Variants in CIB4 observed in about 807,000 individuals in gnomAD.
The protein encoded by CIB4 is calcium and integrin binding family member 4, also known as calcium and integrin-binding family member 4.
Under a neutral mutation model 25.8 loss-of-function variants are expected in CIB4, and 25 were observed. The ratio of observed to expected loss-of-function variants is 0.97; its 90% CI spans 0.71 to 1.35. CIB4 has a LOEUF of 1.35. Ranked by LOEUF, CIB4 falls within the 40% of genes most tolerant of loss-of-function variation. The pLI is 0.00. For missense variants in CIB4, 235 were observed against 228.2 expected, an observed-to-expected ratio of 1.03 and a Z score of -0.19; for synonymous variants, 75 against 81.4, an observed-to-expected ratio of 0.92 and a Z score of 0.42.
Position 26,590,615 on chromosome 2 carries a change from C to T in CIB4, c.328+4561G>A, listed in dbSNP as rs1455631166. Among the ~76,000 whole-genome samples, 3 of 152,160 alleles carry T rather than the reference C, an allele frequency of 2.0e-5. No individual in the cohort carries two copies. In the East Asian group the frequency reaches 5.8e-4, roughly 29 times the overall value. On this transcript the variant is annotated intron_variant, in intron 4 of 6. Transcript: ENST00000288861. ...TCCTTCTTCATCCTTCACTGTGGAC[C>T]ACTCCCCCCTCGACTTACTACGCAG... is the stretch of plus-strand genomic sequence containing the variant.
intron 3 of CIB4, among the ~76,000 whole-genome samples, chr2:26,626,788 C>T (rs931077278): frequency 6.6e-6 from 1 of 152,094 alleles, no homozygotes; most frequent in African/African-American, 2.4e-5. Flanking sequence ...GCAGGCCTCA[C>T]CCCACCTGCC....
intron 4 of CIB4, among the ~76,000 whole-genome samples, chr2:26,593,240 T>A (rs541676532): frequency 6.6e-6 from 1 of 152,236 alleles, no homozygotes; most frequent in South Asian, 2.1e-4. Context: ...CTCCTCAGCC[T>A]CCATAATCAC....
At chr2:26,607,980 G>A (rs951164924) in intron 3 of CIB4, among the ~76,000 whole-genome samples, 1 of 152,264 alleles carries the variant, frequency 6.6e-6, no homozygotes, top group Non-Finnish European at 1.5e-5. Context: ...GCTCACGCCT[G>A]TAATCCCAGC....
intron 3 of CIB4, among the ~76,000 whole-genome samples, chr2:26,601,231 A>AAAAAAAAATAT (rs1395827334): frequency 2.3e-4 from 4 of 17,226 alleles, no homozygotes; most frequent in African/African-American, 6.0e-4. Context: ...AAAAAAAAAA[A>AAAAAAAAATAT]ATATATATAT....
chr2:26,583,718 C>A (rs1016020415), intron 5 of CIB4, 71 bp downstream of exon 5: 1 of 1,013,680 alleles, frequency 9.9e-7, no homozygotes, highest in Admixed American at 1.7e-5. Flanking sequence ...GCCTGACATC[C>A]GGGGGCTTTG....
At chr2:26,615,512 C>T (rs915772267) in intron 3 of CIB4, among the ~76,000 whole-genome samples, 2 of 152,194 alleles carry the variant, frequency 1.3e-5, no homozygotes, top group African/African-American at 2.4e-5. Flanking sequence ...AGTTGAGGCC[C>T]AGGAAGAGGA....
At chr2:26,589,615 C>A (rs1026196401) in intron 4 of CIB4, among the ~76,000 whole-genome samples, 2 of 152,186 alleles carry the variant, frequency 1.3e-5, no homozygotes, top group African/African-American at 4.8e-5. Flanking sequence ...AGCCACTGCA[C>A]CCAGCCCCTG....
intron 3 of CIB4, among the ~76,000 whole-genome samples, chr2:26,623,882 C>A (rs1669252026): frequency 6.6e-6 from 1 of 152,210 alleles, no homozygotes; most frequent in Admixed American, 6.5e-5. Flanking sequence ...CCAAGTCACA[C>A]CATGCCACAC....
intron 5 of CIB4, 67 bp downstream of exon 5, chr2:26,583,722 G>T: frequency 1.9e-6 from 2 of 1,049,232 alleles, no homozygotes; most frequent in South Asian, 1.3e-5. Context: ...GACATCCGGG[G>T]GCTTTGGGTG....
At chr2:26,608,818 G>C (rs1023960970) in intron 3 of CIB4, among the ~76,000 whole-genome samples, 1 of 152,098 alleles carries the variant, frequency 6.6e-6, no homozygotes, top group African/African-American at 2.4e-5. Flanking sequence ...GTGGGTGGCC[G>C]GGCCCTGCAG....
intron 4 of CIB4, among the ~76,000 whole-genome samples, chr2:26,594,411 T>TTGGGTGAGGCAGAATGAGA (rs1668641677): frequency 6.6e-6 from 1 of 152,092 alleles, no homozygotes; most frequent in Admixed American, 6.5e-5. Context: ...CACATCCCAC[T>TTGGGTGAGGCAGAATGAGA]TGGGTGAGGC....
chr2:26,596,890 A>T (rs1668692843), intron 3 of CIB4, among the ~76,000 whole-genome samples: 1 of 152,224 alleles, frequency 6.6e-6, no homozygotes, highest in Non-Finnish European at 1.5e-5. Context: ...AAGATGAGTT[A>T]TATGTTTTCC....
At chr2:26,632,483 G>A (rs1015005117) in intron 2 of CIB4, among the ~76,000 whole-genome samples, 5 of 152,288 alleles carry the variant, frequency 3.3e-5, no homozygotes, top group East Asian at 1.9e-4. Context: ...TAGGCCGGGT[G>A]CAGTGGCTCC....
chr2:26,595,287 C>G lies in CIB4; in HGVS notation c.217G>C (p.Val73Leu), dbSNP rs770195131. The change falls in exon 4 of 7, where the codon GTG becomes CTG. Residue 73 changes from valine to leucine, a missense_variant. Transcript: ENST00000288861. Reference protein sequence around the residue: ...VNPFRDRICRVFSHKGMFSFE... With the variant: ...VNPFRDRICRLFSHKGMFSFE... ...GAGAACATGCCTTTGTGGGAGAACA[C>G]TCTGCAGATACGGTCTCTGAAAGGG... 6.2e-7 allele frequency: 1 copy of G among 1,614,104 alleles called. No homozygotes were observed. Among genetic ancestry groups the G allele is most frequent in the Non-Finnish European group, 8.5e-7 (1 of 1,179,962 alleles).
At chr2:26,630,065 G>A (rs934183998) in intron 2 of CIB4, among the ~76,000 whole-genome samples, 5 of 152,210 alleles carry the variant, frequency 3.3e-5, no homozygotes, top group South Asian at 2.1e-4. Context: ...GCAGCAGATC[G>A]TGGACTGACT....
At chr2:26,634,263 T>G (rs535636504) in intron 2 of CIB4, among the ~76,000 whole-genome samples, 4 of 152,252 alleles carry the variant, frequency 2.6e-5, no homozygotes, top group African/African-American at 9.6e-5. Context: ...ACGGGGTCAA[T>G]AGTCCTTTGC....
At chr2:26,639,485 GATTTCATTTT>G (rs1669596360) in intron 2 of CIB4, among the ~76,000 whole-genome samples, 1 of 151,346 alleles carries the variant, frequency 6.6e-6, no homozygotes, top group Admixed American at 6.6e-5. Context: ...TTTTTTTTTA[GATTTCATTTT>G]ATTTTTATTC....
chr2:26,613,324 A>C (rs1669031895), intron 3 of CIB4, among the ~76,000 whole-genome samples: 1 of 152,112 alleles, frequency 6.6e-6, no homozygotes, highest in South Asian at 2.1e-4. Flanking sequence ...TCCTCCACCC[A>C]CCAGCAAGGA....
chr2:26,616,749 C>T (rs546104345), intron 3 of CIB4, among the ~76,000 whole-genome samples: 1 of 152,380 alleles, frequency 6.6e-6, no homozygotes, highest in East Asian at 1.9e-4. Flanking sequence ...TCCTACCACA[C>T]ACATGTACAT....
Sources: allele counts gnomAD v4.1 joint callset (sites outside exome capture counted in the v4.1 genomes callset), GRCh38; gene constraint gnomAD v4.1.1; transcripts MANE v1.5; gene names NCBI Gene and HGNC (gene_info 2026-07-23, HGNC 2026-07-21).